PTPRM: variants seen among roughly 807,000 people sequenced by gnomAD.
PTPRM encodes protein tyrosine phosphatase receptor type M.
Under a neutral mutation model 186.7 loss-of-function variants are expected in PTPRM, and 47 were observed. That is an observed-to-expected ratio of 0.25 (90% CI 0.20 to 0.32). The LOEUF (loss-of-function observed/expected upper bound fraction) is 0.32. Among genes scored for constraint, PTPRM ranks in the 10% least tolerant of loss-of-function variants. The pLI, the probability that PTPRM is intolerant of heterozygous loss-of-function variation, is 1.00. For missense variants in PTPRM, 1,494 were observed against 1,865.0 expected (o/e 0.80, Z 3.66); for synonymous variants, 668 against 674.9 (o/e 0.99, Z 0.16).
At chr18:8,201,041 C>G (rs1351161132) in intron 14 of PTPRM, among the ~76,000 whole-genome samples, 1 of 152,124 alleles carries the variant, frequency 6.6e-6, no homozygotes, top group Middle Eastern at 3.2e-3. Context: ...TAAGGCCAGG[C>G]ACGATGGCTC....
chr18:7,992,663 G>C (rs1355810336), intron 7 of PTPRM, among the ~76,000 whole-genome samples: 1 of 152,056 alleles, frequency 6.6e-6, no homozygotes, highest in East Asian at 1.9e-4. Flanking sequence ...TCATTGATAG[G>C]TTCTGGGAAA....
At chr18:8,363,298 G>T (rs8094662) in intron 23 of PTPRM, among the ~76,000 whole-genome samples, 23,490 of 152,168 alleles carry the variant, frequency 0.15, 1,895 homozygotes, top group South Asian at 0.25. Context: ...AGTTGGAATC[G>T]TTTTCACCAG....
chr18:8,183,211 C>G (rs1226310857), intron 14 of PTPRM, among the ~76,000 whole-genome samples: 1 of 152,188 alleles, frequency 6.6e-6, no homozygotes, highest in African/African-American at 2.4e-5. Flanking sequence ...AAAGCCTTCT[C>G]AAGTATGTCA....
chr18:8,250,535 T>G (rs979257829), intron 17 of PTPRM, among the ~76,000 whole-genome samples: 2 of 152,078 alleles, frequency 1.3e-5, no homozygotes, highest in African/African-American at 4.8e-5. Flanking sequence ...ATCCCAGCAC[T>G]TTGGGAGGCC....
chr18:8,186,800 G>A (rs896715922), intron 14 of PTPRM, among the ~76,000 whole-genome samples: 2 of 152,178 alleles, frequency 1.3e-5, no homozygotes, highest in African/African-American at 4.8e-5. Flanking sequence ...AAGACATCTA[G>A]ATACTAATAA....
intron 7 of PTPRM, among the ~76,000 whole-genome samples, chr18:8,037,099 T>A (rs1253661578): frequency 1.3e-5 from 2 of 152,170 alleles, no homozygotes; most frequent in Admixed American, 6.5e-5. Flanking sequence ...TGTTTATAAG[T>A]AATATATGAA....
At chr18:8,212,885 G>T (rs555692936) in intron 14 of PTPRM, among the ~76,000 whole-genome samples, 1 of 152,096 alleles carries the variant, frequency 6.6e-6, no homozygotes, top group Non-Finnish European at 1.5e-5. Context: ...CCCACCACCC[G>T]TCTCCATTCC....
At chr18:7,957,549 G>A (rs1487690690) in intron 7 of PTPRM, among the ~76,000 whole-genome samples, 1 of 152,156 alleles carries the variant, frequency 6.6e-6, no homozygotes, top group African/African-American at 2.4e-5. Flanking sequence ...TGTGCCCTGT[G>A]CTGGCATGGA....
chr18:7,680,904 T>A (rs1386101554), intron 1 of PTPRM, among the ~76,000 whole-genome samples: 1 of 152,126 alleles, frequency 6.6e-6, no homozygotes, highest in Non-Finnish European at 1.5e-5. Context: ...ATGTGACTCT[T>A]GATAGTGAAC....
chr18:8,061,748 T>G (rs1431082799), intron 7 of PTPRM, among the ~76,000 whole-genome samples: 1 of 111,616 alleles, frequency 9.0e-6, no homozygotes, highest in East Asian at 2.3e-4. Flanking sequence ...AAATTCTGGG[T>G]TGAAAATTCT....
chr18:8,296,020 A>G (rs181708531), intron 19 of PTPRM, among the ~76,000 whole-genome samples: 7 of 152,332 alleles, frequency 4.6e-5, no homozygotes, highest in African/African-American at 1.7e-4. Flanking sequence ...AAAAATGACA[A>G]TATAATTAAG....
intron 13 of PTPRM, among the ~76,000 whole-genome samples, chr18:8,129,285 A>G (rs1437949982): frequency 6.6e-6 from 1 of 152,212 alleles, no homozygotes; most frequent in East Asian, 1.9e-4. Context: ...AAAATGAGAA[A>G]GGCTGAATGT....
At chr18:7,906,865 G>A (rs111763283) in intron 4 of PTPRM, among the ~76,000 whole-genome samples, 2,000 of 152,294 alleles carry the variant, frequency 0.013, 47 homozygotes, top group African/African-American at 0.045. Context: ...ATTTGTTGCC[G>A]TGGTCTTTAG....
intron 1 of PTPRM, among the ~76,000 whole-genome samples, chr18:7,620,866 T>C (rs1194065948): frequency 6.6e-6 from 1 of 152,124 alleles, no homozygotes; most frequent in Admixed American, 6.5e-5. Context: ...CCAGTTCAAA[T>C]AGATCATAAC....
chr18:7,883,640 G>A (rs2048617733), intron 2 of PTPRM, among the ~76,000 whole-genome samples: 1 of 152,208 alleles, frequency 6.6e-6, no homozygotes, highest in Non-Finnish European at 1.5e-5. Flanking sequence ...TTAAAGCTGT[G>A]AGTTAAGTCC....
chr18:7,859,851 C>T (rs1345801434), intron 2 of PTPRM, among the ~76,000 whole-genome samples: 1 of 152,088 alleles, frequency 6.6e-6, no homozygotes, highest in Non-Finnish European at 1.5e-5. Context: ...CCAACCTGCC[C>T]CATATACCTC....
chr18:7,791,617 G>T (rs2043349304), intron 2 of PTPRM, among the ~76,000 whole-genome samples: 1 of 152,134 alleles, frequency 6.6e-6, no homozygotes, highest in Non-Finnish European at 1.5e-5. Flanking sequence ...AGGCAGCTGG[G>T]AGTATGGTTT....
chr18:7,936,283 C>G (rs2051801913), intron 5 of PTPRM, among the ~76,000 whole-genome samples: 1 of 152,182 alleles, frequency 6.6e-6, no homozygotes, highest in Admixed American at 6.5e-5. Context: ...CTGCAGCTAC[C>G]CAGCCACGGC....
chr18:8,284,458 G>A (rs187050255), intron 19 of PTPRM, among the ~76,000 whole-genome samples: 2 of 152,288 alleles, frequency 1.3e-5, no homozygotes, highest in African/African-American at 4.8e-5. Context: ...CCTTTCAGCA[G>A]ACTGTGATTC....
Sources: allele counts gnomAD v4.1 joint callset (sites outside exome capture counted in the v4.1 genomes callset), GRCh38; gene constraint gnomAD v4.1.1; transcripts MANE v1.5; gene names NCBI Gene and HGNC (gene_info 2026-07-23, HGNC 2026-07-21).